The following ABCD2 variants were observed in gnomAD, a reference collection of about 807,000 sequenced individuals.
ABCD2 encodes ATP binding cassette subfamily D member 2.
ABCD2 carries 36 observed loss-of-function variants against 70.9 expected under a neutral mutation model. The ratio of observed to expected loss-of-function variants is 0.51; its 90% CI spans 0.39 to 0.67. The LOEUF is 0.67. ABCD2 is among the 30% of genes least tolerant of loss of function. The pLI is 0.00. For synonymous variants in ABCD2, 304 were observed against 306.9 expected (o/e 0.99, Z 0.10); for missense variants, 729 against 890.2 (o/e 0.82, Z 2.30).
chr12:39,544,208 G>A, the ABCD2 span, among the ~76,000 whole-genome samples: 164 of 152,208 alleles, frequency 1.1e-3, no homozygotes, highest in African/African-American at 3.9e-3. Context: ...CTATCTTCTT[G>A]TGCTGAGTCA....
At chr12:39,534,445 G>A in the ABCD2 span, among the ~76,000 whole-genome samples, 1 of 152,100 alleles carries the variant, frequency 6.6e-6, no homozygotes, top group Admixed American at 6.5e-5. Flanking sequence ...GCTTACACCA[G>A]CTTCATAGAG....
At chr12:39,549,442 T>A (rs1453422835), downstream of ABCD2, among the ~76,000 whole-genome samples, 1 of 151,974 alleles carries the variant, frequency 6.6e-6, no homozygotes, top group Non-Finnish European at 1.5e-5. Context: ...GTCTTGTTAA[T>A]CTCTGAATCC....
At chr12:39,616,227 A>G (rs1942113134) in intron 2 of ABCD2, among the ~76,000 whole-genome samples, 1 of 152,112 alleles carries the variant, frequency 6.6e-6, no homozygotes, top group African/African-American at 2.4e-5. Context: ...TCTTCAGTTA[A>G]TTCTTCTCTG....
At chr12:39,568,028 A>T (rs1170163862) in intron 9 of ABCD2, among the ~76,000 whole-genome samples, 3 of 151,654 alleles carry the variant, frequency 2.0e-5, no homozygotes, top group Admixed American at 6.6e-5. Context: ...TTTGTGGGTA[A>T]CCCCACCTTT....
At chr12:39,545,731 A>G (rs1169676670), downstream of ABCD2, among the ~76,000 whole-genome samples, 1 of 152,126 alleles carries the variant, frequency 6.6e-6, no homozygotes, top group Non-Finnish European at 1.5e-5. Flanking sequence ...TTTTTTTTAT[A>G]CAAACACAAA....
intron 2 of ABCD2, among the ~76,000 whole-genome samples, chr12:39,613,505 C>T (rs1007986910): frequency 6.7e-6 from 1 of 148,732 alleles, no homozygotes; most frequent in Non-Finnish European, 1.5e-5. Flanking sequence ...GGGTGATAGT[C>T]TTTAAAAATA....
chr12:39,541,370 T>G, the ABCD2 span, among the ~76,000 whole-genome samples: 1 of 151,896 alleles, frequency 6.6e-6, no homozygotes, highest in Non-Finnish European at 1.5e-5. Context: ...ATGAGTAAAG[T>G]CGGTGAGGGG....
chr12:39,588,748 G>A (rs1192918785), intron 6 of ABCD2, among the ~76,000 whole-genome samples: 4 of 151,254 alleles, frequency 2.6e-5, no homozygotes, highest in African/African-American at 9.7e-5. Context: ...CCCAAATTGA[G>A]GTGTTCTCTT....
intron 2 of ABCD2, among the ~76,000 whole-genome samples, chr12:39,609,987 T>G (rs1591997824): frequency 6.6e-6 from 1 of 152,074 alleles, no homozygotes. Context: ...GAAGCCTGGA[T>G]GAGTTAATGC....
chr12:39,600,815 GATA>G, intron 5 of ABCD2, 99 bp from the exon 6 acceptor site: 1 of 1,134,562 alleles, frequency 8.8e-7, no homozygotes, highest in Non-Finnish European at 1.2e-6. Context: ...TCGAAAACAT[GATA>G]ACCTAGGTTG....
At chr12:39,612,648 T>C (rs1183845177) in intron 2 of ABCD2, among the ~76,000 whole-genome samples, 1 of 152,196 alleles carries the variant, frequency 6.6e-6, no homozygotes, top group Non-Finnish European at 1.5e-5. Context: ...GCATACCTAA[T>C]TAGAGTTTTA....
the ABCD2 span, among the ~76,000 whole-genome samples, chr12:39,532,960 C>T: frequency 6.6e-6 from 1 of 151,846 alleles, no homozygotes; most frequent in Non-Finnish European, 1.5e-5. Flanking sequence ...GAGTTTGACA[C>T]CAACCTGGCC....
the ABCD2 span, among the ~76,000 whole-genome samples, chr12:39,535,545 CAAAAT>C: frequency 2.0e-5 from 3 of 151,994 alleles, no homozygotes. Flanking sequence ...ACAAATAGTC[CAAAAT>C]AAATCTACAT....
chr12:39,589,236 T>C (rs1381586289), intron 6 of ABCD2, among the ~76,000 whole-genome samples: 1 of 152,146 alleles, frequency 6.6e-6, no homozygotes, highest in Non-Finnish European at 1.5e-5. Context: ...AGCCATTAGG[T>C]TGAAGGATAG....
chr12:39,581,789 G>A (rs1333204881), intron 7 of ABCD2, among the ~76,000 whole-genome samples: 1 of 152,158 alleles, frequency 6.6e-6, no homozygotes, highest in African/African-American at 2.4e-5. Context: ...TTGTAGGCAG[G>A]CAATATTGCA....
At chr12:39,572,086 C>T (rs1270344476) in intron 9 of ABCD2, among the ~76,000 whole-genome samples, 1 of 152,170 alleles carries the variant, frequency 6.6e-6, no homozygotes, top group Admixed American at 6.5e-5. Context: ...TGTCAAAAGG[C>T]ATAGCCTTAC....
At chr12:39,564,901 G>A (rs930207614) in intron 9 of ABCD2, among the ~76,000 whole-genome samples, 1 of 152,096 alleles carries the variant, frequency 6.6e-6, no homozygotes, top group Non-Finnish European at 1.5e-5. Context: ...TTTCCCCATT[G>A]CTTGTTTTTG....
In ABCD2 at chr12:39,595,975, C is replaced by T. The variant is rs182025876; in HGVS notation, c.1646+4596G>A. Among the ~76,000 whole-genome samples, 84 of 152,210 alleles carry T rather than the reference C, an allele frequency of 5.5e-4. 1 individual carries two copies. The South Asian group carries it at 7.9e-3, about 14-fold the overall frequency. ...CAGCTAAAAGAAACAGTGCAGCAAACGAGTAAGGACTGAGAGGATGAGCAC... is the reference window on the plus strand; with the variant it reads ...CAGCTAAAAGAAACAGTGCAGCAAATGAGTAAGGACTGAGAGGATGAGCAC... On this transcript the variant is annotated intron_variant, in intron 6 of 9. Coordinates refer to ENST00000308666, the MANE Select transcript of ABCD2 (RefSeq NM_005164.4).
chr12:39,591,787 T>G (rs551066438), intron 6 of ABCD2, among the ~76,000 whole-genome samples: 13 of 152,280 alleles, frequency 8.5e-5, no homozygotes, highest in African/African-American at 2.9e-4. Context: ...CAAATTTCTG[T>G]AAAAGTCAAC....
Sources: gnomAD v4.1 joint callset for allele counts (sites outside exome capture counted in the v4.1 genomes callset) on GRCh38, gnomAD v4.1.1 for gene constraint, MANE v1.5 for transcripts, NCBI Gene and HGNC (gene_info 2026-07-23, HGNC 2026-07-21) for gene names.